The following CLVS1 variants were observed in gnomAD, a reference collection of about 807,000 sequenced individuals.
The protein encoded by CLVS1 is clavesin-1.
A neutral mutation model predicts 33.1 loss-of-function variants in CLVS1; 10 were observed. That is an observed-to-expected ratio of 0.30 (90% confidence interval 0.19 to 0.51). CLVS1 has a LOEUF of 0.51. Ranked by LOEUF, CLVS1 falls within the 20% of genes least tolerant of loss-of-function variation. The pLI is 0.97. For synonymous variants in CLVS1, 163 were observed against 166.1 expected, an observed-to-expected ratio of 0.98 and a Z score of 0.14; for missense variants, 343 against 433.4, an observed-to-expected ratio of 0.79 and a Z score of 1.85.
At chr8:61,325,711 G>T (rs745206) in intron 2 of CLVS1, among the ~76,000 whole-genome samples, 2,195 of 152,208 alleles carry the variant, frequency 0.014, 42 homozygotes, top group African/African-American at 0.049. Context: ...AGCAACCATA[G>T]CTGTGATTTG....
At chr8:61,435,720 A>G (rs1349669433) in intron 3 of CLVS1, among the ~76,000 whole-genome samples, 1 of 152,192 alleles carries the variant, frequency 6.6e-6, no homozygotes, top group Non-Finnish European at 1.5e-5. Flanking sequence ...ACACTGTGAA[A>G]TAACTGAGGA....
intron 1 of CLVS1, among the ~76,000 whole-genome samples, chr8:61,080,216 C>T (rs1304991089): frequency 6.6e-6 from 1 of 152,132 alleles, no homozygotes; most frequent in South Asian, 2.1e-4. Flanking sequence ...AGTAATTAGT[C>T]ATTTTGGAAC....
intron 2 of CLVS1, among the ~76,000 whole-genome samples, chr8:61,185,308 ATT>A (rs11423051): frequency 1.2e-4 from 16 of 138,740 alleles, no homozygotes; most frequent in African/African-American, 2.1e-4. Context: ...TGCCCGGCTA[ATT>A]TTTTTTTTTT....
chr8:61,120,638 G>A, intron 1 of CLVS1, among the ~76,000 whole-genome samples: 1 of 131,092 alleles, frequency 7.6e-6, no homozygotes, highest in East Asian at 2.2e-4. Flanking sequence ...TGCCGTGTGA[G>A]GTGTCAGTCT....
intron 2 of CLVS1, among the ~76,000 whole-genome samples, chr8:61,135,977 T>C (rs1274496688): frequency 6.6e-6 from 1 of 152,240 alleles, no homozygotes; most frequent in African/African-American, 2.4e-5. Flanking sequence ...GCAGCCGCTC[T>C]GGAAGCATGG....
intron 2 of CLVS1, among the ~76,000 whole-genome samples, chr8:61,142,779 G>A (rs1806331595): frequency 6.6e-6 from 1 of 152,176 alleles, no homozygotes; most frequent in Non-Finnish European, 1.5e-5. Context: ...CACACCTTCT[G>A]TAATGCCAGG....
intron 2 of CLVS1, among the ~76,000 whole-genome samples, chr8:61,314,357 G>A (rs994952271): frequency 6.6e-6 from 1 of 152,128 alleles, no homozygotes; most frequent in Non-Finnish European, 1.5e-5. Flanking sequence ...AAATAATACT[G>A]TAATGCCTCA....
intron 2 of CLVS1, among the ~76,000 whole-genome samples, chr8:61,303,622 T>G (rs962045257): frequency 4.6e-5 from 7 of 152,238 alleles, no homozygotes; most frequent in African/African-American, 7.2e-5. Flanking sequence ...ATGACAAGGC[T>G]ATTCCATTGG....
intron 2 of CLVS1, among the ~76,000 whole-genome samples, chr8:61,348,791 C>G (rs1035839478): frequency 1.3e-5 from 2 of 152,056 alleles, no homozygotes; most frequent in African/African-American, 2.4e-5. Context: ...TTTTGAGGAA[C>G]TTTTGTACTG....
At chr8:61,205,842 A>T (rs889067206) in intron 2 of CLVS1, among the ~76,000 whole-genome samples, 8 of 152,112 alleles carry the variant, frequency 5.3e-5, no homozygotes, top group African/African-American at 9.6e-5. Flanking sequence ...TAAACTTAAA[A>T]TTTTTTTTAT....
At chr8:61,115,582 T>A (rs1172212508) in intron 1 of CLVS1, among the ~76,000 whole-genome samples, 1 of 151,618 alleles carries the variant, frequency 6.6e-6, no homozygotes, top group East Asian at 1.9e-4. Context: ...TGTCCATGTG[T>A]TCTCATTGTT....
rs546675761 is a variant in CLVS1 at position 61,471,458 on chromosome 8, T to A, written c.977+12916T>A. ...AGAAGCAGGTAATGATTATGCATGG[T>A]GGCTTGAAAGGAGGGGCCTTGAGTT... On this transcript the variant is annotated intron_variant, in intron 5 of 5. Transcript: ENST00000325897. 3.9e-5 allele frequency among the ~76,000 whole-genome samples: 6 copies of A among 152,336 alleles called. No individual in the cohort carries two copies. In the East Asian group the frequency reaches 1.2e-3, roughly 29 times the overall value.
At chr8:61,128,022 A>G (rs1464424398) in intron 1 of CLVS1, among the ~76,000 whole-genome samples, 2 of 152,264 alleles carry the variant, frequency 1.3e-5, no homozygotes, top group Non-Finnish European at 2.9e-5. Context: ...TAGTGGGTAA[A>G]AATGGTTATT....
rs142582369 is a variant in CLVS1, at chr8:61,458,444, C to T, written c.879C>T (p.Ser293=). The T allele has an allele frequency of 4.5e-5, 73 of 1,613,904 alleles. No homozygotes were observed. Among genetic ancestry groups the T allele is most frequent in the African/African-American group, 1.7e-4 (13 of 74,886 alleles). Residue 293 remains serine, a synonymous_variant, in exon 5 of 6, where the codon AGC becomes AGT. Coordinates refer to ENST00000325897, the MANE Select transcript of CLVS1 (RefSeq NM_173519.3). ...GGACGTTACTCGGTCCCGACTACAG[C>T]GATGAAAATGACTATACTCACACAT... ...WARTLLGPDY[S]DENDYTHTSY... is the part of the protein sequence containing the mutation.
the CLVS1 span, among the ~76,000 whole-genome samples, chr8:60,968,141 C>G: frequency 1.3e-5 from 2 of 152,316 alleles, no homozygotes; most frequent in Non-Finnish European, 2.9e-5. Flanking sequence ...CTATGTTGCT[C>G]AGGCTGGTCT....
At chr8:61,498,591 A>G (rs953956927) in intron 5 of CLVS1, among the ~76,000 whole-genome samples, 3 of 152,246 alleles carry the variant, frequency 2.0e-5, no homozygotes, top group Admixed American at 1.3e-4. Flanking sequence ...TTAGAAAAAA[A>G]TCATTATTAC....
At chr8:61,341,032 G>A (rs1314894147) in intron 2 of CLVS1, among the ~76,000 whole-genome samples, 1 of 152,182 alleles carries the variant, frequency 6.6e-6, no homozygotes, top group Non-Finnish European at 1.5e-5. Flanking sequence ...AACATCACAG[G>A]CAGGATGCAA....
chr8:61,358,815 C>T (rs1414813962), intron 2 of CLVS1, among the ~76,000 whole-genome samples: 5 of 152,250 alleles, frequency 3.3e-5, no homozygotes, highest in Non-Finnish European at 5.9e-5. Flanking sequence ...AAGTTGTCCA[C>T]CCAAATGTAT....
intron 2 of CLVS1, among the ~76,000 whole-genome samples, chr8:61,325,866 C>T (rs888017873): frequency 3.9e-5 from 6 of 152,156 alleles, no homozygotes; most frequent in Admixed American, 6.6e-5. Context: ...GAAGAATTTC[C>T]TATTTATAGT....
Sources: gnomAD v4.1 joint callset for allele counts (sites outside exome capture counted in the v4.1 genomes callset) on GRCh38, gnomAD v4.1.1 for gene constraint, MANE v1.5 for transcripts, NCBI Gene and HGNC (gene_info 2026-07-23, HGNC 2026-07-21) for gene names.